The following CHRM3 variants were observed in gnomAD, a reference collection of about 807,000 sequenced individuals.
The protein encoded by CHRM3 is muscarinic acetylcholine receptor M3.
CHRM3 carries 11 observed loss-of-function variants against 41.8 expected under a neutral mutation model. The ratio of observed to expected loss-of-function variants is 0.26; its 90% CI spans 0.17 to 0.44. CHRM3 has a LOEUF of 0.44. Among genes scored for constraint, CHRM3 ranks in the 20% least tolerant of loss-of-function variants. The pLI is 1.00. For missense variants in CHRM3, 571 were observed against 745.4 expected, an observed-to-expected ratio of 0.77 and a Z score of 2.72; for synonymous variants, 297 against 301.4, an observed-to-expected ratio of 0.99 and a Z score of 0.15.
chr1:239,831,005 T>C (rs976066188), intron 6 of CHRM3, among the ~76,000 whole-genome samples: 11 of 152,094 alleles, frequency 7.2e-5, no homozygotes, highest in Non-Finnish European at 1.2e-4. Flanking sequence ...TTTTTTTTTT[T>C]AATATGGACT....
intron 2 of CHRM3, among the ~76,000 whole-genome samples, chr1:239,521,034 T>C (rs1167574322): frequency 6.6e-6 from 1 of 152,128 alleles, no homozygotes; most frequent in African/African-American, 2.4e-5. Flanking sequence ...TGTGTAAAAA[T>C]AGACATACAA....
At position 239,602,140 on chromosome 1, in the gene CHRM3, A is replaced by ATATATG. The variant is rs1432471091; in HGVS notation, c.-312-30084_-312-30083insTATATG. 9.5e-3 allele frequency among the ~76,000 whole-genome samples: 1,369 copies of ATATATG among 144,826 alleles called. 7 individuals carry two copies. The highest frequency in any genetic ancestry group is 0.035 in the South Asian group (162 of 4,610). ...TATATATATATATATATATATATAT[A>ATATATG]ATTTTGTTTTTTGAGACACAGTTTC... On this transcript the variant is annotated intron_variant, in intron 3 of 6. Coordinates refer to ENST00000676153, the MANE Select transcript of CHRM3 (RefSeq NM_001375978.1).
chr1:239,456,986 T>C (rs890164226), intron 1 of CHRM3, among the ~76,000 whole-genome samples: 3 of 152,202 alleles, frequency 2.0e-5, no homozygotes, highest in African/African-American at 7.2e-5. Context: ...GTCCACTTTG[T>C]GGTCAGGTGT....
intron 1 of CHRM3, among the ~76,000 whole-genome samples, chr1:239,422,245 G>C (rs1266848255): frequency 2.0e-5 from 3 of 152,268 alleles, no homozygotes; most frequent in South Asian, 4.1e-4. Context: ...TTCTGTTGCA[G>C]ACTTTAGCTG....
In CHRM3 at chr1:239,913,350, AT is replaced by A. The variant is rs35733832; in HGVS notation, c.*4135del. On this transcript the variant is annotated 3_prime_UTR_variant, in exon 7 of 7. Coordinates refer to ENST00000676153, the MANE Select transcript of CHRM3 (RefSeq NM_001375978.1). ...GTATAGATTACAACACTCCAAAGTT[AT>A]TTTTTTTTAACCTAAAGAACCCTAC... 0.11 allele frequency: 18,452 copies of A among 165,946 alleles called. 2,832 individuals carry two copies. Among genetic ancestry groups the A allele is most frequent in the African/African-American group, 0.36 (14,936 of 41,318 alleles). The allele number at this position is 165,946 out of a possible 1,614,324, so 10.3% of individuals were successfully genotyped here.
chr1:239,793,803 A>ATTTTTTTTTTTTTTTTTTTTTTTTTTTTT (rs67460907), intron 5 of CHRM3, among the ~76,000 whole-genome samples: 3 of 69,494 alleles, frequency 4.3e-5, no homozygotes, highest in African/African-American at 1.2e-4. Flanking sequence ...TGAAATGTGT[A>ATTTTTTTTTTTTTTTTTTTTTTTTTTTTT]TTTTTTTTTT....
chr1:239,609,128 G>A (rs1440661947), intron 3 of CHRM3, among the ~76,000 whole-genome samples: 1 of 152,082 alleles, frequency 6.6e-6, no homozygotes, highest in Non-Finnish European at 1.5e-5. Flanking sequence ...GCAATCCTTT[G>A]TAATCCCTCC....
chr1:239,660,315 T>G (rs2149006450), intron 4 of CHRM3, among the ~76,000 whole-genome samples: 1 of 152,302 alleles, frequency 6.6e-6, no homozygotes, highest in African/African-American at 2.4e-5. Flanking sequence ...TTGATTACTG[T>G]CCTCCAAATG....
chr1:239,488,948 G>A (rs577340118), intron 1 of CHRM3, among the ~76,000 whole-genome samples: 2 of 152,196 alleles, frequency 1.3e-5, no homozygotes, highest in South Asian at 4.1e-4. Flanking sequence ...TAGGTTAGGA[G>A]AACGTTTGGG....
Position 239,839,944 on chromosome 1 carries a change from G to A in CHRM3, c.-20+12566G>A, listed in dbSNP as rs530382887. On this transcript the variant is annotated intron_variant, in intron 6 of 6. Coordinates refer to ENST00000676153, the MANE Select transcript of CHRM3 (RefSeq NM_001375978.1). ...GCAAGAAAGAACACCATTGCCTGGT[G>A]CAGGCTGCATCCAGCCCAGGCCTCA... Among the ~76,000 whole-genome samples, 40 of 152,318 alleles carry A rather than the reference G, an allele frequency of 2.6e-4. 1 individual carries two copies. In the South Asian group the frequency reaches 3.9e-3, roughly 15 times the overall value.
chr1:239,557,023 A>G (rs1660428479), intron 3 of CHRM3, among the ~76,000 whole-genome samples: 1 of 152,094 alleles, frequency 6.6e-6, no homozygotes, highest in South Asian at 2.1e-4. Context: ...CTTTAATTTC[A>G]TTCTTTCATT....
intron 6 of CHRM3, chr1:239,898,524 A>C (rs1679205630): frequency 1.3e-5 from 2 of 152,248 alleles, no homozygotes; most frequent in South Asian, 4.1e-4. Flanking sequence ...TGGTCTGAGA[A>C]AAAACGCACG....
At chr1:239,648,709 G>A (rs1181788044) in intron 4 of CHRM3, among the ~76,000 whole-genome samples, 2 of 152,192 alleles carry the variant, frequency 1.3e-5, no homozygotes, top group African/African-American at 4.8e-5. Flanking sequence ...GATGAGCATG[G>A]AAAGAACTGA....
chr1:239,512,976 A>G (rs971925200), intron 2 of CHRM3, among the ~76,000 whole-genome samples: 2 of 152,124 alleles, frequency 1.3e-5, no homozygotes, highest in African/African-American at 4.8e-5. Context: ...CATGCATTTG[A>G]GAGATATATG....
At chr1:239,795,800 G>A (rs621536) in intron 5 of CHRM3, among the ~76,000 whole-genome samples, 54,472 of 151,994 alleles carry the variant, frequency 0.36, 9,834 homozygotes, top group South Asian at 0.38. Flanking sequence ...TTCCAGATTT[G>A]GAGAGATCAT....
chr1:239,443,796 T>C (rs1663914461), intron 1 of CHRM3, among the ~76,000 whole-genome samples: 1 of 152,170 alleles, frequency 6.6e-6, no homozygotes, highest in South Asian at 2.1e-4. Context: ...TTTAACTCCT[T>C]GAAGGGTAGA....
Position 239,775,500 on chromosome 1 carries a change from C to T in CHRM3, c.-146-51752C>T, listed in dbSNP as rs144071836. Among the ~76,000 whole-genome samples the T allele has an allele frequency of 2.8e-4, 43 of 152,268 alleles. No homozygotes were observed. The East Asian group carries it at 4.1e-3, about 14-fold the overall frequency. On this transcript the variant is annotated intron_variant, in intron 5 of 6. Transcript: ENST00000676153. ...GACATACTCCTAGGGTCTCTTTAAA[C>T]GGAAAGTACAATTCAGCTTTAATTT...
intron 5 of CHRM3, among the ~76,000 whole-genome samples, chr1:239,735,624 A>G (rs976340888): frequency 6.6e-6 from 1 of 152,168 alleles, no homozygotes; most frequent in African/African-American, 2.4e-5. Context: ...GGCTAGAGGT[A>G]TAAGTTGCTG....
At chr1:239,633,810 C>A (rs1670142920) in intron 4 of CHRM3, among the ~76,000 whole-genome samples, 1 of 150,806 alleles carries the variant, frequency 6.6e-6, no homozygotes, top group Non-Finnish European at 1.5e-5. Flanking sequence ...CTCTGGCAAG[C>A]CCATCATCAG....
Sources: allele counts gnomAD v4.1 joint callset (sites outside exome capture counted in the v4.1 genomes callset), GRCh38; gene constraint gnomAD v4.1.1; transcripts MANE v1.5; gene names NCBI Gene and HGNC (gene_info 2026-07-23, HGNC 2026-07-21).